CNTNAP4: variants seen among roughly 807,000 people sequenced by gnomAD.
CNTNAP4 encodes contactin associated protein family member 4, also known as contactin-associated protein-like 4.
Under a neutral mutation model 148.4 loss-of-function variants are expected in CNTNAP4, and 98 were observed. That is an observed-to-expected ratio of 0.66 (90% CI 0.56 to 0.78). The LOEUF (loss-of-function observed/expected upper bound fraction) is 0.78, where lower values mean the gene tolerates loss of function less well. Ranked by LOEUF, CNTNAP4 falls within the 30% of genes least tolerant of loss-of-function variation. The pLI is 0.00. For synonymous variants in CNTNAP4, 730 were observed against 565.1 expected (o/e 1.29, Z -4.14); for missense variants, 1,935 against 1,565.6 (o/e 1.24, Z -3.98).
intron 3 of CNTNAP4, among the ~76,000 whole-genome samples, chr16:76,407,507 G>T (rs942546315): frequency 6.6e-6 from 1 of 151,984 alleles, no homozygotes; most frequent in East Asian, 1.9e-4. Context: ...GGAAGAAGCT[G>T]ATTCCAACCC....
At chr16:76,448,271 C>T (rs139920798) in intron 5 of CNTNAP4, 56 bp downstream of exon 5, 1 of 1,258,292 alleles carries the variant, frequency 7.9e-7, no homozygotes, top group Admixed American at 2.0e-5. Flanking sequence ...TCACCTAAGT[C>T]ACTTTATGCT....
At chr16:76,289,205 A>T (rs1480462663) in intron 1 of CNTNAP4, among the ~76,000 whole-genome samples, 1 of 152,142 alleles carries the variant, frequency 6.6e-6, no homozygotes, top group Non-Finnish European at 1.5e-5. Flanking sequence ...GCTACTTCCA[A>T]TCCATCCTCA....
chr16:76,419,623 G>T (rs541133507), intron 3 of CNTNAP4, among the ~76,000 whole-genome samples: 1 of 152,000 alleles, frequency 6.6e-6, no homozygotes, highest in African/African-American at 2.4e-5. Flanking sequence ...TCTCAGCTCT[G>T]ACTCTTTGGA....
intron 10 of CNTNAP4, among the ~76,000 whole-genome samples, chr16:76,475,302 A>G (rs953268553): frequency 3.3e-5 from 5 of 152,238 alleles, no homozygotes; most frequent in African/African-American, 1.2e-4. Flanking sequence ...ATTAAAGGGA[A>G]TATATAATGA....
intron 3 of CNTNAP4, among the ~76,000 whole-genome samples, chr16:76,396,894 C>A (rs773556862): frequency 6.6e-6 from 1 of 152,088 alleles, no homozygotes; most frequent in Admixed American, 6.6e-5. Flanking sequence ...CTATTTATCA[C>A]AAGAATAATT....
chr16:76,338,140 C>T (rs1567758912), intron 2 of CNTNAP4, among the ~76,000 whole-genome samples: 4 of 152,074 alleles, frequency 2.6e-5, no homozygotes, highest in Admixed American at 6.5e-5. Flanking sequence ...ATTGGGGAAG[C>T]GATAAATGTC....
intron 17 of CNTNAP4, among the ~76,000 whole-genome samples, chr16:76,529,529 G>T (rs1012870834): frequency 6.6e-6 from 1 of 152,138 alleles, no homozygotes; most frequent in African/African-American, 2.4e-5. Context: ...CAGCATTTTC[G>T]TAGAAGCTTC....
chr16:76,282,729 T>C (rs1030829943), intron 1 of CNTNAP4, among the ~76,000 whole-genome samples: 2 of 151,952 alleles, frequency 1.3e-5, no homozygotes, highest in Non-Finnish European at 2.9e-5. Context: ...ATGGTTTGTG[T>C]ATTTGAAATT....
At chr16:76,371,775 T>A (rs534062123) in intron 3 of CNTNAP4, among the ~76,000 whole-genome samples, 80 of 152,368 alleles carry the variant, frequency 5.3e-4, no homozygotes, top group African/African-American at 1.8e-3. Flanking sequence ...TTGTTGCTCT[T>A]AAGACATTCT....
At chr16:76,453,617 A>T (rs1383067217) in intron 8 of CNTNAP4, among the ~76,000 whole-genome samples, 1 of 152,218 alleles carries the variant, frequency 6.6e-6, no homozygotes, top group Non-Finnish European at 1.5e-5. Flanking sequence ...ATTCCATTGT[A>T]CTACTCCTCT....
rs1037029200 is a variant in CNTNAP4 at position 76,383,825 on chromosome 16, A to T, written c.390+28314A>T. Among the ~76,000 whole-genome samples the T allele has an allele frequency of 9.8e-5, 15 of 152,292 alleles. No homozygotes were observed. In the East Asian group the frequency reaches 1.9e-3, roughly 20 times the overall value. On this transcript the variant is annotated intron_variant, in intron 3 of 23. Coordinates refer to ENST00000611870, the MANE Select transcript of CNTNAP4 (RefSeq NM_033401.5). ...TAAAGATGATAAACTTGGAGGGGACATGGGTGTAGGCGAAATAAAATTGGT... is the reference window on the plus strand; with the variant it reads ...TAAAGATGATAAACTTGGAGGGGACTTGGGTGTAGGCGAAATAAAATTGGT...
Position 76,376,103 on chromosome 16 carries a change from A to G in CNTNAP4, c.390+20592A>G, listed in dbSNP as rs8051697. Among the ~76,000 whole-genome samples, 409 of 152,176 alleles carry G rather than the reference A, an allele frequency of 2.7e-3. 1 individual carries two copies. Among genetic ancestry groups the G allele is most frequent in the African/African-American group, 9.5e-3 (396 of 41,528 alleles). Reference sequence around the variant, plus strand: ...GGAGAGAGTTAGGGGGAGGGAGAGAAAGAGTGAGGAAGAGATAAAGGGGAA... The same window carrying G: ...GGAGAGAGTTAGGGGGAGGGAGAGAGAGAGTGAGGAAGAGATAAAGGGGAA... On this transcript the variant is annotated intron_variant, in intron 3 of 23. Transcript: ENST00000611870.
chr16:76,391,597 G>A (rs2144768324), intron 3 of CNTNAP4, among the ~76,000 whole-genome samples: 1 of 152,254 alleles, frequency 6.6e-6, no homozygotes, highest in African/African-American at 2.4e-5. Context: ...TCACTTAAGA[G>A]CTTGTGTAAA....
chr16:76,521,354 A>C, intron 16 of CNTNAP4, 44 bp downstream of exon 16: 1 of 1,492,686 alleles, frequency 6.7e-7, no homozygotes, highest in Non-Finnish European at 9.0e-7. Context: ...TCTATCATTT[A>C]GTAGTAAATC....
At chr16:76,373,812 T>C (rs1367160792) in intron 3 of CNTNAP4, among the ~76,000 whole-genome samples, 1 of 150,682 alleles carries the variant, frequency 6.6e-6, no homozygotes, top group Admixed American at 6.6e-5. Context: ...GGGGAGTCAC[T>C]TGAACTCGGG....
chr16:76,500,820 G>A (rs1342682132), intron 15 of CNTNAP4, among the ~76,000 whole-genome samples: 1 of 151,890 alleles, frequency 6.6e-6, no homozygotes, highest in South Asian at 2.1e-4. Flanking sequence ...ATGAGCATAT[G>A]TATTCATTTA....
intron 5 of CNTNAP4, 42 bp from the exon 6 acceptor site, chr16:76,448,725 A>G: frequency 1.5e-6 from 2 of 1,377,030 alleles, no homozygotes; most frequent in Non-Finnish European, 1.9e-6. Flanking sequence ...TTTTTTCTTT[A>G]GACTGGCAAT....
At chr16:76,475,542 C>T (rs1192821701) in intron 10 of CNTNAP4, among the ~76,000 whole-genome samples, 1 of 152,198 alleles carries the variant, frequency 6.6e-6, no homozygotes, top group East Asian at 1.9e-4. Context: ...ATTCCTCTGT[C>T]TTCCTTTTTT....
chr16:76,518,609 ATAGAATTACATG>A (rs2083340103), intron 15 of CNTNAP4, among the ~76,000 whole-genome samples: 4 of 21,986 alleles, frequency 1.8e-4, no homozygotes, highest in Admixed American at 1.1e-3. Context: ...ATGTGCATGC[ATAGAATTACATG>A]CATAGAATGT....
Sources: allele counts gnomAD v4.1 joint callset (sites outside exome capture counted in the v4.1 genomes callset), GRCh38; gene constraint gnomAD v4.1.1; transcripts MANE v1.5; gene names NCBI Gene and HGNC (gene_info 2026-07-23, HGNC 2026-07-21).